PRKG2: variants seen among roughly 807,000 people sequenced by gnomAD.
PRKG2 encodes protein kinase cGMP-dependent 2.
In PRKG2, 33 loss-of-function variants were observed where a neutral mutation model predicts 97.2. The ratio of observed to expected loss-of-function variants is 0.34; its 90% CI spans 0.26 to 0.45. PRKG2 has a LOEUF of 0.45. Ranked by LOEUF, PRKG2 falls within the 20% of genes least tolerant of loss-of-function variation. PRKG2 has a pLI of 1.00. For missense variants in PRKG2, 638 were observed against 900.0 expected (o/e 0.71, Z 3.73); for synonymous variants, 330 against 321.8 (o/e 1.03, Z -0.27).
rs576028192 is a variant in PRKG2 at position 81,140,346 on chromosome 4, G to A, written c.1544+187C>T. On this transcript the variant is annotated intron_variant, in intron 12 of 18. Coordinates refer to ENST00000264399, the MANE Select transcript of PRKG2 (RefSeq NM_006259.3). Reference sequence around the variant, plus strand: ...CAAAGGATAAATGCTCAAGGGGATGGATACCCCATTTTCCATGCTGTAATT... The same window carrying A: ...CAAAGGATAAATGCTCAAGGGGATGAATACCCCATTTTCCATGCTGTAATT... 7.9e-5 allele frequency among the ~76,000 whole-genome samples: 12 copies of A among 152,090 alleles called. No individual in the cohort carries two copies. The South Asian group carries it at 2.5e-3, about 32-fold the overall frequency.
chr4:81,106,407 C>A (rs1743344972), intron 15 of PRKG2, among the ~76,000 whole-genome samples: 1 of 151,966 alleles, frequency 6.6e-6, no homozygotes, highest in African/African-American at 2.4e-5. Flanking sequence ...GGCAGTGTGG[C>A]TGGTGGAGTG....
At chr4:81,208,268 GCAGGTA>G (rs1753785986) in intron 1 of PRKG2, among the ~76,000 whole-genome samples, 1 of 152,100 alleles carries the variant, frequency 6.6e-6, no homozygotes, top group African/African-American at 2.4e-5. Context: ...ATGATGCCTG[GCAGGTA>G]TCAGACATGA....
At chr4:81,154,878 T>C (rs1469978857) in intron 6 of PRKG2, among the ~76,000 whole-genome samples, 2 of 151,844 alleles carry the variant, frequency 1.3e-5, no homozygotes, top group African/African-American at 2.4e-5. Context: ...TGAAAAAAAT[T>C]TAGAAGAATG....
At chr4:81,117,656 A>T (rs1475189105) in intron 14 of PRKG2, among the ~76,000 whole-genome samples, 1 of 152,198 alleles carries the variant, frequency 6.6e-6, no homozygotes, top group African/African-American at 2.4e-5. Context: ...TAATCTGGTA[A>T]AGTGGCGATT....
intron 17 of PRKG2, among the ~76,000 whole-genome samples, chr4:81,100,990 G>A (rs949452141): frequency 3.9e-5 from 6 of 152,108 alleles, no homozygotes; most frequent in African/African-American, 1.5e-4. Context: ...GGCCATCAGA[G>A]AAATGCAAAT....
At chr4:81,182,943 T>C (rs1751546924) in intron 2 of PRKG2, among the ~76,000 whole-genome samples, 1 of 152,096 alleles carries the variant, frequency 6.6e-6, no homozygotes, top group Non-Finnish European at 1.5e-5. Flanking sequence ...TTTTTAATTA[T>C]GTTAATTATA....
At chr4:81,186,692 T>A (rs1751910596) in intron 2 of PRKG2, among the ~76,000 whole-genome samples, 1 of 152,164 alleles carries the variant, frequency 6.6e-6, no homozygotes, top group Non-Finnish European at 1.5e-5. Flanking sequence ...AGAAGCTGGT[T>A]TTTGGAAAAG....
intron 17 of PRKG2, among the ~76,000 whole-genome samples, chr4:81,100,781 C>T (rs1742667267): frequency 6.6e-6 from 1 of 152,100 alleles, no homozygotes; most frequent in Non-Finnish European, 1.5e-5. Context: ...GAACAGGCAA[C>T]CTACAGAATG....
chr4:81,141,878 A>C (rs992396570), intron 11 of PRKG2, among the ~76,000 whole-genome samples: 5 of 152,168 alleles, frequency 3.3e-5, no homozygotes, highest in African/African-American at 4.8e-5. Flanking sequence ...CCCTGCCCCC[A>C]TCAGAGATGA....
intron 17 of PRKG2, among the ~76,000 whole-genome samples, chr4:81,103,134 G>A (rs114805983): frequency 9.8e-4 from 149 of 152,310 alleles, no homozygotes; most frequent in African/African-American, 3.5e-3. Flanking sequence ...CGCCACATTT[G>A]AATATTTAAT....
At chr4:81,212,454 T>G (rs1161554001) in intron 1 of PRKG2, among the ~76,000 whole-genome samples, 1 of 152,106 alleles carries the variant, frequency 6.6e-6, no homozygotes, top group Non-Finnish European at 1.5e-5. Flanking sequence ...TGACAGAATT[T>G]TTGAGTGGTG....
chr4:81,178,083 G>A (rs1751094184), intron 2 of PRKG2, among the ~76,000 whole-genome samples: 2 of 134,966 alleles, frequency 1.5e-5, no homozygotes, highest in Non-Finnish European at 3.2e-5. Context: ...GTCTACCTGG[G>A]GTCCTGGTAA....
intron 14 of PRKG2, among the ~76,000 whole-genome samples, chr4:81,127,776 A>G (rs920430193): frequency 6.6e-6 from 1 of 152,206 alleles, no homozygotes; most frequent in Non-Finnish European, 1.5e-5. Flanking sequence ...TCATCTGCAA[A>G]CAGAGACAAT....
At chr4:81,155,305 C>T (rs1469597626) in intron 6 of PRKG2, among the ~76,000 whole-genome samples, 6 of 151,564 alleles carry the variant, frequency 4.0e-5, no homozygotes, top group Non-Finnish European at 5.9e-5. Flanking sequence ...GGAGCCGATG[C>T]GATCAGCTGG....
intron 14 of PRKG2, among the ~76,000 whole-genome samples, chr4:81,120,837 G>A (rs573958325): frequency 3.3e-5 from 5 of 152,280 alleles, no homozygotes; most frequent in South Asian, 4.1e-4. Context: ...ATATTGAAAA[G>A]GAGTGGTAAG....
At chr4:81,157,450 CA>C (rs1378140559) in intron 6 of PRKG2, among the ~76,000 whole-genome samples, 2 of 152,076 alleles carry the variant, frequency 1.3e-5, no homozygotes, top group African/African-American at 4.8e-5. Context: ...AGCTTACCAA[CA>C]AAAAAGAGTC....
At chr4:81,102,262 AG>A (rs1742877068) in intron 17 of PRKG2, among the ~76,000 whole-genome samples, 1 of 152,222 alleles carries the variant, frequency 6.6e-6, no homozygotes, top group African/African-American at 2.4e-5. Flanking sequence ...ACAATTTGAC[AG>A]CTACATTTAA....
chr4:81,167,889 T>C (rs1032598471), intron 5 of PRKG2, among the ~76,000 whole-genome samples: 44 of 152,022 alleles, frequency 2.9e-4, no homozygotes, highest in African/African-American at 1.0e-3. Flanking sequence ...GGAAAGAACA[T>C]GGGGAAATAC....
At chr4:81,178,127 C>G (rs1342372122) in intron 2 of PRKG2, among the ~76,000 whole-genome samples, 2 of 146,532 alleles carry the variant, frequency 1.4e-5, no homozygotes, top group African/African-American at 5.0e-5. Flanking sequence ...ACCTGAAGGG[C>G]TGCAGCCTAG....
Sources: allele counts gnomAD v4.1 joint callset (sites outside exome capture counted in the v4.1 genomes callset), GRCh38; gene constraint gnomAD v4.1.1; transcripts MANE v1.5; gene names NCBI Gene and HGNC (gene_info 2026-07-23, HGNC 2026-07-21).